The following METTL16 variants were observed in gnomAD, a reference collection of about 807,000 sequenced individuals.
The protein encoded by METTL16 is RNA N(6)-adenosine-methyltransferase METTL16.
METTL16 carries 19 observed loss-of-function variants against 57.9 expected under a neutral mutation model. The ratio of observed to expected loss-of-function variants is 0.33; its 90% confidence interval spans 0.23 to 0.48. The LOEUF (loss-of-function observed/expected upper bound fraction) is 0.48, where lower values mean the gene tolerates loss of function less well. METTL16 is among the 20% of genes least tolerant of loss of function. The probability of loss-of-function intolerance (pLI) is 0.99; values close to 1 mark genes in which losing one functional copy is unlikely to be tolerated. For missense variants in METTL16, 434 were observed against 691.5 expected (o/e 0.63, Z 4.18); for synonymous variants, 246 against 255.6 (o/e 0.96, Z 0.36).
intron 1 of METTL16, among the ~76,000 whole-genome samples, chr17:2,504,760 C>T (rs944078583): frequency 6.6e-6 from 1 of 152,062 alleles, no homozygotes; most frequent in African/African-American, 2.4e-5. Flanking sequence ...TTTGTAGAGA[C>T]AGGGTCTCCC....
rs2067471343 is a variant in METTL16, at chr17:2,499,403, A to G, written c.128+2801T>C. Among the ~76,000 whole-genome samples the G allele has an allele frequency of 2.0e-5, 3 of 149,588 alleles. No individual in the cohort carries two copies. The South Asian group carries it at 6.3e-4, about 32-fold the overall frequency. On this transcript the variant is annotated intron_variant, in intron 2 of 9. Coordinates refer to ENST00000263092, the MANE Select transcript of METTL16 (RefSeq NM_024086.4). The stretch of plus-strand genomic sequence containing the variant: ...AGGCTGGATTCAGACTCCTGGACTC[A>G]AGATCCTCTCACCTCAGCCTCTCAT...
Position 2,498,368 on chromosome 17 carries a change from C to T in METTL16, c.128+3836G>A, listed in dbSNP as rs889909593. ...CAGAGCTTGCGGTGAGCCGAGACAG[C>T]GCCACTGCACTCCAGCCTGGTGACA... is the stretch of plus-strand genomic sequence containing the variant. On this transcript the variant is annotated intron_variant, in intron 2 of 9. Transcript: ENST00000263092. Among the ~76,000 whole-genome samples the T allele has an allele frequency of 5.1e-4, 77 of 151,466 alleles. 5 individuals carry two copies. Among genetic ancestry groups the T allele is most frequent in the African/African-American group, 1.8e-3 (73 of 40,888 alleles).
At position 2,502,220 on chromosome 17, in the gene METTL16, G is replaced by C. The variant is rs756125382; in HGVS notation, c.112C>G (p.Leu38Val). ...PDFKQHVQINLNGRVSLNFKD... is the reference protein window; with the variant it reads ...PDFKQHVQINVNGRVSLNFKD... ...GTTACCTACCTCACTCTTCCATTCA[G>C]ATTTATCTGAACATGCTGCTTAAAA... is the stretch of plus-strand genomic sequence containing the variant. Residue 38 changes from leucine to valine, a missense_variant, in exon 2 of 10, where the codon CTG becomes GTG. Coordinates refer to ENST00000263092, the MANE Select transcript of METTL16 (RefSeq NM_024086.4). 1.9e-6 allele frequency: 3 copies of C among 1,613,692 alleles called. No homozygotes were observed. The South Asian group carries it at 3.3e-5, about 18-fold the overall frequency.
rs189495802 is a variant in METTL16 at position 2,464,633 on chromosome 17, C to T, written c.586-283G>A. On this transcript the variant is annotated intron_variant, in intron 5 of 9. Transcript: ENST00000263092. Reference sequence around the variant, plus strand: ...ATCTGTCACTTTTTCTTTATGCTTTCTTTCTCCTGTACAGAAGATCCACCC... The same window carrying T: ...ATCTGTCACTTTTTCTTTATGCTTTTTTTCTCCTGTACAGAAGATCCACCC... 1.3e-3 allele frequency among the ~76,000 whole-genome samples: 202 copies of T among 152,190 alleles called. 1 individual carries two copies. The highest frequency in any genetic ancestry group is 4.7e-3 in the African/African-American group (196 of 41,544).
chr17:2,485,149 G>A (rs189710991), intron 2 of METTL16, among the ~76,000 whole-genome samples: 26 of 152,216 alleles, frequency 1.7e-4, no homozygotes, highest in African/African-American at 5.8e-4. Flanking sequence ...TCAGATCAGC[G>A]CAGCATTAGA....
intron 8 of METTL16, among the ~76,000 whole-genome samples, chr17:2,421,240 G>A (rs937700192): frequency 2.6e-5 from 4 of 152,108 alleles, no homozygotes; most frequent in African/African-American, 9.7e-5. Context: ...CTGTGGTCCC[G>A]GCTACTCTGA....
At chr17:2,467,624 C>T (rs1206827606) in intron 5 of METTL16, 137 bp downstream of exon 5, 12 of 586,714 alleles carry the variant, frequency 2.0e-5, no homozygotes, top group East Asian at 1.3e-4. Context: ...GACGGAGTTT[C>T]ACCATGTTGG....
In METTL16 at chr17:2,420,400, T is replaced by C. The variant is rs779770249; in HGVS notation, c.1259A>G (p.Gln420Arg). 6 of 1,613,876 alleles carry C rather than the reference T, an allele frequency of 3.7e-6. No individual in the cohort carries two copies. The highest frequency in any genetic ancestry group is 5.1e-6 in the Non-Finnish European group (6 of 1,180,032). The change falls in exon 10 of 10, where the codon CAA becomes CGA. Residue 420 changes from glutamine to arginine, a missense_variant. By Grantham distance (43) the Gln-to-Arg change is conservative. Transcript: ENST00000263092. This position sits in a 1 kb window ranked among gnomAD's most constrained non-coding sequence, Gnocchi z 5.4. Reference protein sequence around the residue: ...KPTPKESGNSQELARGPQERT... With the variant: ...KPTPKESGNSRELARGPQERT... ...CTCCTGGGGGCCCCTGGCCAGTTCT[T>C]GGCTATTGCCAGACTCTTTGGGGGT...
At chr17:2,427,582 G>C (rs1023151387) in intron 8 of METTL16, among the ~76,000 whole-genome samples, 5 of 152,094 alleles carry the variant, frequency 3.3e-5, no homozygotes, top group African/African-American at 1.2e-4. Context: ...GTAATATGTT[G>C]GCTGAGGACT....
At chr17:2,423,746 T>G (rs780010483) in intron 8 of METTL16, among the ~76,000 whole-genome samples, 82 of 152,334 alleles carry the variant, frequency 5.4e-4, no homozygotes, top group Non-Finnish European at 9.3e-4. Context: ...GCTCACAAAT[T>G]CTGACCAGTA....
intron 8 of METTL16, chr17:2,436,984 T>C (rs1042933117): frequency 2.0e-5 from 3 of 150,752 alleles, no homozygotes; most frequent in Non-Finnish European, 4.4e-5. Flanking sequence ...CAGGCTCAAG[T>C]GATCCTCCCA....
At chr17:2,429,391 T>C (rs2066853127) in intron 8 of METTL16, among the ~76,000 whole-genome samples, 1 of 150,354 alleles carries the variant, frequency 6.7e-6, no homozygotes, top group Non-Finnish European at 1.5e-5. Context: ...ATTCACTATG[T>C]TGGCCAGGCT....
At chr17:2,471,514 G>A (rs759483142) in intron 4 of METTL16, among the ~76,000 whole-genome samples, 3 of 152,148 alleles carry the variant, frequency 2.0e-5, no homozygotes, top group Non-Finnish European at 2.9e-5. Flanking sequence ...CAATGGCCAG[G>A]TGCAGTGGCT....
Position 2,420,185 on chromosome 17 carries a change from C to G in METTL16, c.1474G>C (p.Ala492Pro). ...GSSNGAQDQE[A>P]SEQFGSPVAE... ...ACTGGGCTGCCGAACTGCTCAGAAGCCTCTTGGTCCTGGGCTCCGTTGCTA... is the reference window on the plus strand; with the variant it reads ...ACTGGGCTGCCGAACTGCTCAGAAGGCTCTTGGTCCTGGGCTCCGTTGCTA... Residue 492 changes from alanine to proline, a missense_variant, in exon 10 of 10, where the codon GCT (alanine) becomes CCT (proline). By Grantham distance (27) the Ala-to-Pro change is conservative. Coordinates refer to ENST00000263092, the MANE Select transcript of METTL16 (RefSeq NM_024086.4). This position sits in a 1 kb window ranked among gnomAD's most constrained non-coding sequence, Gnocchi z 5.4. The G allele has an allele frequency of 6.2e-7, 1 of 1,614,242 alleles. No homozygotes were observed. Among genetic ancestry groups the G allele is most frequent in the Non-Finnish European group, 8.5e-7 (1 of 1,180,032 alleles).
intron 2 of METTL16, among the ~76,000 whole-genome samples, chr17:2,495,767 T>C (rs923326403): frequency 3.3e-5 from 5 of 149,838 alleles, no homozygotes; most frequent in African/African-American, 1.2e-4. Context: ...GACTTCAGCA[T>C]GGGAAGTAAC....
intron 2 of METTL16, among the ~76,000 whole-genome samples, chr17:2,501,735 G>A (rs959787634): frequency 6.6e-6 from 1 of 152,010 alleles, no homozygotes; most frequent in Admixed American, 6.6e-5. Context: ...GCGGGCGCCT[G>A]TAATCCCAGC....
intron 2 of METTL16, among the ~76,000 whole-genome samples, chr17:2,484,653 C>T (rs113698134): frequency 0.044 from 6,643 of 152,188 alleles, 493 homozygotes; most frequent in African/African-American, 0.15. Flanking sequence ...TACCACCATG[C>T]CCGGCTAATT....
chr17:2,426,279 A>T (rs2066817971), intron 8 of METTL16, among the ~76,000 whole-genome samples: 1 of 151,426 alleles, frequency 6.6e-6, no homozygotes. Flanking sequence ...CTGGCCTTGA[A>T]CTCCTGTGCG....
chr17:2,461,956 G>GA (rs2067152957), intron 6 of METTL16, among the ~76,000 whole-genome samples: 1 of 152,004 alleles, frequency 6.6e-6, no homozygotes, highest in African/African-American at 2.4e-5. Context: ...TACCGTATAG[G>GA]AAAAAAATCT....
Sources: allele counts gnomAD v4.1 joint callset (sites outside exome capture counted in the v4.1 genomes callset), GRCh38; gene constraint gnomAD v4.1.1; non-coding constraint Gnocchi (gnomAD v3.1); transcripts MANE v1.5; gene names NCBI Gene and HGNC (gene_info 2026-07-23, HGNC 2026-07-21).